The following NTN1 variants were observed in gnomAD, a reference collection of about 807,000 sequenced individuals.
NTN1 encodes netrin-1.
In NTN1, 11 loss-of-function variants were observed where a neutral mutation model predicts 54.2. That is an observed-to-expected ratio of 0.20 (90% CI 0.13 to 0.34). NTN1 has a LOEUF of 0.34. Among genes scored for constraint, NTN1 ranks in the 10% least tolerant of loss-of-function variants. NTN1 has a pLI of 1.00. For synonymous variants in NTN1, 371 were observed against 382.0 expected (o/e 0.97, Z 0.33); for missense variants, 740 against 893.1 (o/e 0.83, Z 2.18).
chr17:9,175,415 A>G (rs2092397492), intron 3 of NTN1: 1 of 152,354 alleles, frequency 6.6e-6, no homozygotes, highest in African/African-American at 2.4e-5. Flanking sequence ...GTGCCCTGCA[A>G]CAGGAGCCCT....
At chr17:9,200,363 G>T (rs1904748066) in intron 5 of NTN1, among the ~76,000 whole-genome samples, 1 of 152,264 alleles carries the variant, frequency 6.6e-6, no homozygotes, top group Non-Finnish European at 1.5e-5. Context: ...CGCCCGAATG[G>T]CTTCAGCTTA....
intron 6 of NTN1, among the ~76,000 whole-genome samples, chr17:9,227,893 C>G (rs1400508873): frequency 1.3e-5 from 2 of 151,992 alleles, no homozygotes; most frequent in Non-Finnish European, 2.9e-5. Context: ...CACACCCCAC[C>G]ACTATACGCA....
chr17:9,059,668 G>GTGAC (rs2091989925), intron 2 of NTN1, among the ~76,000 whole-genome samples: 1 of 152,180 alleles, frequency 6.6e-6, no homozygotes. Context: ...GAAATGGGGA[G>GTGAC]TGACTGCCTA....
chr17:9,032,366 A>G (rs1307410919), intron 2 of NTN1, among the ~76,000 whole-genome samples: 2 of 152,150 alleles, frequency 1.3e-5, no homozygotes, highest in African/African-American at 2.4e-5. Context: ...GGTCCTCCAG[A>G]ACTGCCTTGG....
chr17:9,186,642 A>T (rs1410243855), intron 5 of NTN1, among the ~76,000 whole-genome samples: 4 of 150,296 alleles, frequency 2.7e-5, no homozygotes, highest in Admixed American at 1.3e-4. Flanking sequence ...TGAAAGGAAA[A>T]CTCCACAGAG....
rs908600672 is a variant in NTN1 at position 9,243,805 on chromosome 17, A to G, written c.*3837A>G. On this transcript the variant is annotated 3_prime_UTR_variant, in exon 7 of 7. Transcript: ENST00000173229. ...TTGGGTCAATGTCCCTTTCCAATGC[A>G]TACTAATATATTATGGTTATTATAT... 1 of 150,080 alleles carries G rather than the reference A, an allele frequency of 6.7e-6. No individual in the cohort carries two copies. Among genetic ancestry groups the G allele is most frequent in the Non-Finnish European group, 1.5e-5 (1 of 67,790 alleles). The allele number at this position is 150,080 out of a possible 1,614,324, so 9.3% of individuals were successfully genotyped here. A position where few individuals can be genotyped will look rare whatever the true frequency, so the allele number is the denominator to read the frequency against.
chr17:9,179,918 G>C lies in NTN1; in HGVS notation c.1319G>C (p.Gly440Ala). ...ATCACCTGCAACCGCTGCGCCAAAG[G>C]CTACCAGCAGAGCCGCTCTCCCATC... ...TGITCNRCAK[G>A]YQQSRSPIAP... Residue 440 changes from glycine to alanine, a missense_variant, in exon 4 of 7, where the codon GGC (glycine) becomes GCC (alanine). Gly to Ala is a moderately conservative substitution (Grantham distance 60). Transcript: ENST00000173229. The C allele has an allele frequency of 6.2e-7, 1 of 1,613,978 alleles. No homozygotes were observed. Among genetic ancestry groups the C allele is most frequent in the Non-Finnish European group, 8.5e-7 (1 of 1,179,988 alleles).
rs1364585289 is a variant in NTN1 at position 9,240,453 on chromosome 17, AACC to A, written c.*492_*494del. 6.6e-6 allele frequency: 1 copy of A among 152,262 alleles called. No individual in the cohort carries two copies. Among genetic ancestry groups the A allele is most frequent in the Non-Finnish European group, 1.5e-5 (1 of 68,112 alleles). The allele number at this position is 152,262 out of a possible 1,614,324, so 9.4% of individuals were successfully genotyped here. On this transcript the variant is annotated 3_prime_UTR_variant, in exon 7 of 7. Transcript: ENST00000173229. The stretch of plus-strand genomic sequence containing the variant: ...TGGGCGGGGCGCGGAGCACCCACCA[AACC>A]ACCACCCGACACGCAGCCGACGGGA...
rs560362084 is a variant in NTN1, at chr17:9,161,419, A to G, written c.1019-1394A>G. Among the ~76,000 whole-genome samples the G allele has an allele frequency of 4.2e-4, 64 of 152,190 alleles. 1 individual carries two copies. The highest frequency in any genetic ancestry group is 1.5e-3 in the African/African-American group (62 of 41,526). Reference sequence around the variant, plus strand: ...GACGAGACAGGACCAGCTTATTTGGAGCCCTGAAGGCCATGCTGAGTGCTT... The same window carrying G: ...GACGAGACAGGACCAGCTTATTTGGGGCCCTGAAGGCCATGCTGAGTGCTT... On this transcript the variant is annotated intron_variant, in intron 2 of 6. Transcript: ENST00000173229.
intron 2 of NTN1, among the ~76,000 whole-genome samples, chr17:9,124,004 T>A (rs1279784862): frequency 6.6e-6 from 1 of 152,230 alleles, no homozygotes; most frequent in Admixed American, 6.5e-5. Context: ...GAAGTGATGC[T>A]GTCTTCTGAA....
intron 2 of NTN1, among the ~76,000 whole-genome samples, chr17:9,141,299 G>T (rs1485391358): frequency 6.6e-6 from 1 of 152,030 alleles, no homozygotes; most frequent in South Asian, 2.1e-4. Context: ...TAATGAGGGG[G>T]GGGAGAAGGG....
intron 6 of NTN1, among the ~76,000 whole-genome samples, chr17:9,222,757 C>G (rs1201204081): frequency 6.6e-6 from 1 of 152,184 alleles, no homozygotes; most frequent in Non-Finnish European, 1.5e-5. Context: ...ACTGGGCCAG[C>G]TGCTTGAACA....
At chr17:9,158,179 T>C (rs528672017) in intron 2 of NTN1, among the ~76,000 whole-genome samples, 1 of 152,314 alleles carries the variant, frequency 6.6e-6, no homozygotes, top group South Asian at 2.1e-4. Context: ...AAGGGAGCCC[T>C]GCCTTTTGAT....
chr17:9,197,048 A>G (rs1213140460), intron 5 of NTN1, among the ~76,000 whole-genome samples: 1 of 148,724 alleles, frequency 6.7e-6, no homozygotes, highest in Non-Finnish European at 1.5e-5. Flanking sequence ...TTTTTTTTTT[A>G]GTTCCCCAGA....
chr17:9,170,669 C>A (rs1028966458), intron 3 of NTN1, among the ~76,000 whole-genome samples: 2 of 152,144 alleles, frequency 1.3e-5, no homozygotes, highest in African/African-American at 2.4e-5. Flanking sequence ...CTGTGCACAT[C>A]CAGATTTGGC....
chr17:9,213,820 T>A (rs928514068), intron 5 of NTN1, among the ~76,000 whole-genome samples: 2 of 152,226 alleles, frequency 1.3e-5, no homozygotes, highest in Admixed American at 6.5e-5. Context: ...ATTTTTCTGT[T>A]CAGATTCCAT....
At chr17:9,065,844 T>C (rs2142211321) in intron 2 of NTN1, among the ~76,000 whole-genome samples, 1 of 152,330 alleles carries the variant, frequency 6.6e-6, no homozygotes, top group South Asian at 2.1e-4. Flanking sequence ...AAGCTTAATT[T>C]AAATAAATTA....
intron 2 of NTN1, among the ~76,000 whole-genome samples, chr17:9,138,895 C>T (rs970549917): frequency 2.6e-5 from 4 of 152,144 alleles, no homozygotes; most frequent in Non-Finnish European, 5.9e-5. Context: ...GGTACTCTGG[C>T]TGCTGGGTGG....
chr17:9,014,511 T>C, the NTN1 span, among the ~76,000 whole-genome samples: 3 of 152,108 alleles, frequency 2.0e-5, no homozygotes, highest in Non-Finnish European at 4.4e-5. Flanking sequence ...ATGAAAAAAA[T>C]GGATGCTCAG....
Sources: gnomAD v4.1 joint callset for allele counts (sites outside exome capture counted in the v4.1 genomes callset) on GRCh38, gnomAD v4.1.1 for gene constraint, MANE v1.5 for transcripts, NCBI Gene and HGNC (gene_info 2026-07-23, HGNC 2026-07-21) for gene names.